Variants in CILP observed in about 807,000 individuals in gnomAD.
CILP encodes the protein cartilage intermediate layer protein 1.
CILP carries 75 observed loss-of-function variants against 82.5 expected under a neutral mutation model. That is an observed-to-expected ratio of 0.91 (90% CI 0.75 to 1.10). The LOEUF (loss-of-function observed/expected upper bound fraction) is 1.10. Among genes scored for constraint, CILP ranks in the 50% least tolerant of loss-of-function variants. The pLI is 0.00. For missense variants in CILP, 1,479 were observed against 1,530.8 expected (o/e 0.97, Z 0.56); for synonymous variants, 530 against 580.3 (o/e 0.91, Z 1.25).
In CILP at chr15:65,197,971, C is replaced by G; in HGVS notation, c.2315G>C (p.Gly772Ala). 6.2e-7 allele frequency: 1 copy of G among 1,614,128 alleles called. No individual in the cohort carries two copies. The highest frequency in any genetic ancestry group is 8.5e-7 in the Non-Finnish European group (1 of 1,180,030). ...CAGGTTAATCACGGAGATCACAACC[C>G]CCTGGATCTGCTCACTAGGCAAGAA... is the stretch of plus-strand genomic sequence containing the variant. Reference protein sequence around the residue: ...ERFLPSEQIQGVVISVINLEP... With the variant: ...ERFLPSEQIQAVVISVINLEP... The change falls in exon 9 of 9, where the codon GGG (glycine) becomes GCG (alanine). Residue 772 changes from glycine (G) to alanine (A), a missense_variant. By Grantham distance (60) the Gly-to-Ala change is moderately conservative. Transcript: ENST00000261883.
At position 65,198,782 on chromosome 15, in the gene CILP, C is replaced by A; in HGVS notation, c.1504G>T (p.Gly502Trp). The A allele has an allele frequency of 1.9e-6, 3 of 1,614,206 alleles. No homozygotes were observed. Among genetic ancestry groups the A allele is most frequent in the Non-Finnish European group, 2.5e-6 (3 of 1,180,044 alleles). ...ACATGGCCAAAGCGCATGGGCTCCCCATTGTCAGCAGCACTGACACGGCCC... is the reference window on the plus strand; with the variant it reads ...ACATGGCCAAAGCGCATGGGCTCCCAATTGTCAGCAGCACTGACACGGCCC... ...VRGRVSAADNGEPMRFGHVYM... is the reference protein window; with the variant it reads ...VRGRVSAADNWEPMRFGHVYM... The change falls in exon 9 of 9, where the codon GGG becomes TGG. Residue 502 changes from glycine to tryptophan, a missense_variant. Physicochemically the swap from Gly to Trp is radical, Grantham distance 184. Transcript: ENST00000261883.
At chr15:65,209,262 A>G (rs1452979762) in intron 2 of CILP, among the ~76,000 whole-genome samples, 1 of 152,070 alleles carries the variant, frequency 6.6e-6, no homozygotes, top group African/African-American at 2.4e-5. Flanking sequence ...ATTTGGCTGC[A>G]GGGTCTAAAT....
At position 65,204,328 on chromosome 15, in the gene CILP, G is replaced by A. The variant is rs200965976; in HGVS notation, c.859C>T (p.Leu287Phe). Reference protein sequence around the residue: ...ITKVKFAPIVLTMPKTSLKAA... With the variant: ...ITKVKFAPIVFTMPKTSLKAA... The stretch of plus-strand genomic sequence containing the variant: ...TTCAGGCTAGTCTTGGGCATTGTGA[G>A]TACAATGGGGGCAAACTTGACCTTT... The change falls in exon 6 of 9, where the codon CTC (leucine) becomes TTC (phenylalanine). Residue 287 changes from leucine to phenylalanine, a missense_variant. Transcript: ENST00000261883. The A allele has an allele frequency of 8.1e-5, 130 of 1,614,062 alleles. No individual in the cohort carries two copies. Among genetic ancestry groups the A allele is most frequent in the Non-Finnish European group, 1.1e-4 (129 of 1,180,032 alleles).
In CILP at chr15:65,207,761, C is replaced by T. The variant is rs1348729686; in HGVS notation, c.65G>A (p.Arg22Lys). 2.5e-6 allele frequency: 4 copies of T among 1,614,048 alleles called. No individual in the cohort carries two copies. Among genetic ancestry groups the T allele is most frequent in the Non-Finnish European group, 3.4e-6 (4 of 1,179,896 alleles). The change falls in exon 3 of 9, where the codon AGA becomes AAA. Residue 22 changes from arginine (R) to lysine (K), a missense_variant. Physicochemically the swap from Arg to Lys is conservative, Grantham distance 26. Transcript: ENST00000261883. Reference protein sequence around the residue: ...LVLEVTSVLGRQTMLTQSVRR... With the variant: ...LVLEVTSVLGKQTMLTQSVRR... ...TACTGACTGGGTGAGCATCGTCTGT[C>T]TCCCTGAGGGCCAGAAGGAGAAGCT...
At chr15:65,199,791 C>G (rs2140673920) in intron 8 of CILP, among the ~76,000 whole-genome samples, 1 of 152,346 alleles carries the variant, frequency 6.6e-6, no homozygotes, top group East Asian at 1.9e-4. Flanking sequence ...CCACTACCCT[C>G]CAGCCTGGGC....
At chr15:65,209,085 AG>A (rs1171368600) in intron 2 of CILP, among the ~76,000 whole-genome samples, 29 of 107,970 alleles carry the variant, frequency 2.7e-4, no homozygotes, top group African/African-American at 9.5e-4. Context: ...GAGGAAGGGG[AG>A]GAGGTGGGAG....
chr15:65,197,202 G>A lies in CILP; in HGVS notation c.3084C>T (p.Ile1028=), dbSNP rs199528397. 322 of 1,614,022 alleles carry A rather than the reference G, an allele frequency of 2.0e-4. No individual in the cohort carries two copies. The East Asian group carries it at 7.1e-3, about 36-fold the overall frequency. ...DRVDRTLVKV[I]PQGSCRRASV... Reference sequence around the variant, plus strand: ...TGGCTCGACGGCAGCTGCCCTGGGGGATGACCTTCACCAGGGTGCGGTCCA... The same window carrying A: ...TGGCTCGACGGCAGCTGCCCTGGGGAATGACCTTCACCAGGGTGCGGTCCA... Residue 1028 remains isoleucine (I), a synonymous_variant, in exon 9 of 9, where the codon ATC becomes ATT. Coordinates refer to ENST00000261883, the MANE Select transcript of CILP (RefSeq NM_003613.4).
chr15:65,197,354 G>A lies in CILP; in HGVS notation c.2932C>T (p.Arg978Trp), dbSNP rs770367551. ...VRSRNMGGTH[R>W]QTVGKLYGIR... is the part of the protein sequence containing the mutation. Reference sequence around the variant, plus strand: ...CCATACAGCTTCCCCACTGTCTGCCGATGAGTGCCCCCCATGTTGCGGGAT... The same window carrying A: ...CCATACAGCTTCCCCACTGTCTGCCAATGAGTGCCCCCCATGTTGCGGGAT... Residue 978 changes from arginine (R) to tryptophan (W), a missense_variant, in exon 9 of 9, where the codon CGG (arginine) becomes TGG (tryptophan). Arg to Trp is a moderately radical substitution (Grantham distance 101). Coordinates refer to ENST00000261883, the MANE Select transcript of CILP (RefSeq NM_003613.4). 19 of 1,614,074 alleles carry A rather than the reference G, an allele frequency of 1.2e-5. No individual in the cohort carries two copies. The highest frequency in any genetic ancestry group is 2.2e-5 in the East Asian group (1 of 44,898).
chr15:65,201,197 T>C (rs1383557526), intron 8 of CILP, among the ~76,000 whole-genome samples: 5 of 152,122 alleles, frequency 3.3e-5, no homozygotes, highest in Admixed American at 6.5e-5. Context: ...ACACAGGGTT[T>C]CACCATGTTG....
rs1383978397 is a variant in CILP, at chr15:65,203,430, C to T, written c.960G>A (p.Arg320=). ...ACAGAGACACGCTCTGCCCAGCTCTCCGTGCTTTTGTCTCAGGGTTCATCA... is the reference window on the plus strand; with the variant it reads ...ACAGAGACACGCTCTGCCCAGCTCTTCGTGCTTTTGTCTCAGGGTTCATCA... ...YMVMNPETKA[R]RAGQSVSLCC... The change falls in exon 7 of 9, where the codon CGG becomes CGA. Residue 320 remains arginine (R), a synonymous_variant. Transcript: ENST00000261883. 1.2e-6 allele frequency: 2 copies of T among 1,612,984 alleles called. No individual in the cohort carries two copies. The highest frequency in any genetic ancestry group is 1.7e-6 in the Non-Finnish European group (2 of 1,180,028).
At position 65,207,860 on chromosome 15, in the gene CILP, C is replaced by G; in HGVS notation, c.62-96G>C. On this transcript the variant is annotated intron_variant, in intron 2 of 8. Transcript: ENST00000261883. The stretch of plus-strand genomic sequence containing the variant: ...AAACAGTGTGAGGTGGTGAATGGAG[C>G]ATGAGCACCAGGCATGGGTTCAAAC... 2.9e-6 allele frequency: 3 copies of G among 1,020,208 alleles called. No homozygotes were observed. The South Asian group carries it at 4.1e-5, about 14-fold the overall frequency. The allele number at this position is 1,020,208 out of a possible 1,614,324, so 63.2% of individuals were successfully genotyped here. A position where few individuals can be genotyped will look rare whatever the true frequency, so the allele number is the denominator to read the frequency against.
intron 3 of CILP, among the ~76,000 whole-genome samples, chr15:65,207,420 C>T (rs8030128): frequency 0.53 from 80,593 of 151,952 alleles, 22,076 homozygotes; most frequent in Non-Finnish European, 0.6. Context: ...TACTCATCTC[C>T]CCACTCCCTT....
Position 65,198,098 on chromosome 15 carries a change from G to A in CILP, c.2188C>T (p.Leu730=). The change falls in exon 9 of 9, where the codon CTG becomes TTG. Residue 730 remains leucine, a synonymous_variant. Transcript: ENST00000261883. ...RRNKREDRTF[L]VGNLEIRERR... is the part of the protein sequence containing the mutation. ...TCACGAATCTCCAGGTTGCCCACCA[G>A]GAAGGTTCTGTCTTCTCTTTTGTTC... The A allele has an allele frequency of 6.2e-7, 1 of 1,614,230 alleles. No homozygotes were observed. The highest frequency in any genetic ancestry group is 8.5e-7 in the Non-Finnish European group (1 of 1,180,042).
intron 7 of CILP, 57 bp from the exon 8 acceptor site, chr15:65,202,086 GA>G: frequency 7.0e-7 from 1 of 1,421,024 alleles, no homozygotes; most frequent in Non-Finnish European, 9.4e-7. Flanking sequence ...GGTATTCCTA[GA>G]AAAGTGCCAG....
At chr15:65,204,201 G>A (rs763048545) in intron 6 of CILP, 67 bp downstream of exon 6, 88 of 1,446,958 alleles carry the variant, frequency 6.1e-5, no homozygotes, top group Non-Finnish European at 8.2e-5. Flanking sequence ...CCAGCTTTTA[G>A]CACTATAATC....
intron 1 of CILP, 99 bp from the exon 2 acceptor site, chr15:65,209,960 C>A: frequency 1.8e-6 from 1 of 554,992 alleles, no homozygotes; most frequent in Non-Finnish European, 3.3e-6. Flanking sequence ...GAAAGGTGGA[C>A]AGAATGATAT....
In CILP at chr15:65,196,961, T is replaced by C; in HGVS notation, c.3325A>G (p.Ser1109Gly). The change falls in exon 9 of 9, where the codon AGC (serine) becomes GGC (glycine). Residue 1109 changes from serine (S) to glycine (G), a missense_variant. Ser to Gly is a moderately conservative substitution (Grantham distance 56). Transcript: ENST00000261883. ...AAGGTGAGGGCTACTCCCACATTGC[T>C]CTTCATGATTCTGGAGGAGCCATCG... Reference protein sequence around the residue: ...TSDGSSRIMKSNVGVALTFNC... With the variant: ...TSDGSSRIMKGNVGVALTFNC... The C allele has an allele frequency of 6.2e-7, 1 of 1,614,036 alleles. No homozygotes were observed. Among genetic ancestry groups the C allele is most frequent in the African/African-American group, 1.3e-5 (1 of 75,054 alleles).
In CILP at chr15:65,208,409, T is replaced by G. The variant is rs78894726; in HGVS notation, c.62-645A>C. ...GATAATGATAGTTCCTGCCTTAGAG[T>G]ATTGTGGGGATTAAATAAGCTCATT... is the stretch of plus-strand genomic sequence containing the variant. On this transcript the variant is annotated intron_variant, in intron 2 of 8. Coordinates refer to ENST00000261883, the MANE Select transcript of CILP (RefSeq NM_003613.4). Among the ~76,000 whole-genome samples the G allele has an allele frequency of 5.6e-3, 853 of 152,176 alleles. 4 individuals are homozygous for G. The highest frequency in any genetic ancestry group is 0.011 in the East Asian group (57 of 5,176).
chr15:65,204,065 G>C (rs769688743), intron 6 of CILP, among the ~76,000 whole-genome samples: 26 of 152,248 alleles, frequency 1.7e-4, no homozygotes, highest in Non-Finnish European at 3.4e-4. Flanking sequence ...TGCAGTTGGA[G>C]TAGAGTGATT....
Sources: allele counts gnomAD v4.1 joint callset (sites outside exome capture counted in the v4.1 genomes callset), GRCh38; gene constraint gnomAD v4.1.1; transcripts MANE v1.5; gene names NCBI Gene and HGNC (gene_info 2026-07-23, HGNC 2026-07-21).